The following SHLD2 variants were observed in gnomAD, a reference collection of about 807,000 sequenced individuals.
The protein encoded by SHLD2 is RINN1-REV7-interacting novel NHEJ regulator 2.
SHLD2 carries 30 observed loss-of-function variants against 73.2 expected under a neutral mutation model. That is an observed-to-expected ratio of 0.41 (90% CI 0.31 to 0.56). The LOEUF (loss-of-function observed/expected upper bound fraction) is 0.56, where lower values mean the gene tolerates loss of function less well. Among genes scored for constraint, SHLD2 ranks in the 20% least tolerant of loss-of-function variants. The pLI is 0.28. For synonymous variants in SHLD2, 285 were observed against 370.1 expected (o/e 0.77, Z 2.64); for missense variants, 745 against 1,055.9 (o/e 0.71, Z 4.08).
At chr10:87,128,851 G>A (rs1370861268) in intron 2 of SHLD2, among the ~76,000 whole-genome samples, 6 of 151,882 alleles carry the variant, frequency 4.0e-5, no homozygotes, top group Non-Finnish European at 7.4e-5. Context: ...GTGTTTTTTT[G>A]TTGTTGTTTT....
Position 87,170,670 on chromosome 10 carries a change from C to T in SHLD2, c.1826C>T (p.Thr609Ile), listed in dbSNP as rs1453714771. The T allele has an allele frequency of 4.4e-6, 7 of 1,601,746 alleles. No homozygotes were observed. The highest frequency in any genetic ancestry group is 6.0e-6 in the Non-Finnish European group (7 of 1,175,512). ...AGAGTTGTTGATTTCACTATACTGA[C>T]AGGTAAATATTTTGACTGCCTCCTT... ...VLRVVDFTIL[T>I]EAVYSYRGQK... Residue 609 changes from threonine (T) to isoleucine (I), a missense_variant and splice_region_variant, in exon 5 of 10, where the codon ACA (threonine) becomes ATA (isoleucine). By Grantham distance (89) the Thr-to-Ile change is moderately conservative. Transcript: ENST00000298786.
intron 2 of SHLD2, among the ~76,000 whole-genome samples, chr10:87,121,762 CTTTTTTT>C (rs571649405): frequency 1.5e-5 from 2 of 130,996 alleles, no homozygotes; most frequent in African/African-American, 2.8e-5. Flanking sequence ...TTCTTTCTTT[CTTTTTTT>C]TTTTTTTTTT....
intron 2 of SHLD2, among the ~76,000 whole-genome samples, chr10:87,106,193 C>T (rs189285113): frequency 2.0e-5 from 3 of 152,178 alleles, no homozygotes; most frequent in Non-Finnish European, 2.9e-5. Flanking sequence ...TTAGTAGAGA[C>T]GGGGTTTCAC....
chr10:87,165,904 C>T (rs115700674), intron 4 of SHLD2, among the ~76,000 whole-genome samples: 2,239 of 152,172 alleles, frequency 0.015, 49 homozygotes, highest in African/African-American at 0.046. Flanking sequence ...GTAAGTCTTA[C>T]GTTAGTTCAA....
chr10:87,107,716 GCAGTCAGATCA>G (rs1842687040), intron 2 of SHLD2, among the ~76,000 whole-genome samples: 1 of 152,172 alleles, frequency 6.6e-6, no homozygotes, highest in Admixed American at 6.5e-5. Flanking sequence ...AGGTGGATAA[GCAGTCAGATCA>G]TATAGGCAAG....
intron 6 of SHLD2, among the ~76,000 whole-genome samples, chr10:87,171,909 C>T (rs1217142668): frequency 6.6e-6 from 1 of 152,146 alleles, no homozygotes; most frequent in Non-Finnish European, 1.5e-5. Flanking sequence ...TCATTGACCA[C>T]CATAGCCTGG....
At chr10:87,121,967 G>T (rs1393456146) in intron 2 of SHLD2, among the ~76,000 whole-genome samples, 1 of 151,836 alleles carries the variant, frequency 6.6e-6, no homozygotes, top group Non-Finnish European at 1.5e-5. Flanking sequence ...GTTTCGCCAT[G>T]TTGGCCAGGC....
intron 2 of SHLD2, among the ~76,000 whole-genome samples, chr10:87,099,528 G>T (rs1442751306): frequency 6.6e-6 from 1 of 152,116 alleles, no homozygotes; most frequent in Non-Finnish European, 1.5e-5. Context: ...AGTTTTTGTT[G>T]TATGACTGTA....
At chr10:87,166,354 G>A (rs1847200879) in intron 4 of SHLD2, among the ~76,000 whole-genome samples, 1 of 150,194 alleles carries the variant, frequency 6.7e-6, no homozygotes, top group Non-Finnish European at 1.5e-5. Context: ...CATTTCTAGA[G>A]TGACTAACAA....
intron 9 of SHLD2, among the ~76,000 whole-genome samples, chr10:87,189,962 G>C (rs1196394732): frequency 6.6e-6 from 1 of 152,092 alleles, no homozygotes; most frequent in East Asian, 1.9e-4. Flanking sequence ...GTGTTATCTG[G>C]GCCTGTTTCT....
At chr10:87,147,084 A>AC (rs1845677305) in intron 2 of SHLD2, among the ~76,000 whole-genome samples, 2 of 150,776 alleles carry the variant, frequency 1.3e-5, no homozygotes, top group African/African-American at 2.4e-5. Flanking sequence ...AAAAAAAAAA[A>AC]AAAACAAAAA....
upstream of SHLD2, chr10:87,095,059 C>T (rs1373090431): frequency 1.4e-5 from 2 of 143,974 alleles, no homozygotes; most frequent in Non-Finnish European, 3.1e-5. Flanking sequence ...CGCGGGCGGG[C>T]TCGGCGCGCA....
chr10:87,094,611 G>C (rs1841670612), upstream of SHLD2: 1 of 1,610,452 alleles, frequency 6.2e-7, no homozygotes, highest in Admixed American at 1.7e-5. The surrounding 1 kb of genome is among the most constrained non-coding windows in gnomAD (Gnocchi z 6.6). Context: ...CCGCCTCGCT[G>C]TAGTGGCGCC....
chr10:87,123,258 A>G (rs1458104233), intron 2 of SHLD2, among the ~76,000 whole-genome samples: 1 of 152,138 alleles, frequency 6.6e-6, no homozygotes, highest in African/African-American at 2.4e-5. Flanking sequence ...ACTTTCTTCA[A>G]TGAGATGTCA....
intron 4 of SHLD2, among the ~76,000 whole-genome samples, chr10:87,160,760 T>A (rs1564605308): frequency 6.6e-6 from 1 of 152,080 alleles, no homozygotes; most frequent in Non-Finnish European, 1.5e-5. Context: ...GAGGCCAAGG[T>A]GGGCGGATCA....
chr10:87,145,875 T>G (rs1845569739), intron 2 of SHLD2, among the ~76,000 whole-genome samples: 1 of 152,140 alleles, frequency 6.6e-6, no homozygotes, highest in Admixed American at 6.5e-5. Context: ...TTAATGAGCT[T>G]TAACCCTCTG....
rs375278313 is a variant in SHLD2 at position 87,152,971 on chromosome 10, T to C, written c.1525+92T>C. 142 of 1,247,146 alleles carry C rather than the reference T, an allele frequency of 1.1e-4. 1 individual carries two copies. The highest frequency in any genetic ancestry group is 8.7e-4 in the South Asian group (61 of 70,098). The allele number at this position is 1,247,146 out of a possible 1,614,324, so 77.3% of individuals were successfully genotyped here. A position where few individuals can be genotyped will look rare whatever the true frequency, so the allele number is the denominator to read the frequency against. ...TCCCACTTAGTCTTTGAAGACTCTT[T>C]AGTCATTTGCCTCTTCTGAGCGCAG... On this transcript the variant is annotated intron_variant, in intron 3 of 9. Transcript: ENST00000298786.
At chr10:87,140,214 A>G (rs3129346) in intron 2 of SHLD2, among the ~76,000 whole-genome samples, 4 of 151,864 alleles carry the variant, frequency 2.6e-5, no homozygotes, top group Non-Finnish European at 4.4e-5. Flanking sequence ...GAGATCAGGA[A>G]TTTGAGACCA....
intron 2 of SHLD2, among the ~76,000 whole-genome samples, chr10:87,107,414 CA>C (rs1054668766): frequency 3.3e-5 from 5 of 151,366 alleles, no homozygotes; most frequent in Non-Finnish European, 5.9e-5. Flanking sequence ...AACTCCTTCT[CA>C]AAAAAAAGAA....
Sources: gnomAD v4.1 joint callset for allele counts (sites outside exome capture counted in the v4.1 genomes callset) on GRCh38, gnomAD v4.1.1 for gene constraint, Gnocchi (gnomAD v3.1) non-coding constraint, MANE v1.5 for transcripts, NCBI Gene and HGNC (gene_info 2026-07-23, HGNC 2026-07-21) for gene names.